The following SLC25A10 variants were observed in gnomAD, a reference collection of about 807,000 sequenced individuals.
SLC25A10 encodes the protein solute carrier family 25 member 10, also known as mitochondrial dicarboxylate carrier.
A neutral mutation model predicts 40.4 loss-of-function variants in SLC25A10; 32 were observed. That is an observed-to-expected ratio of 0.79 (90% confidence interval 0.60 to 1.06). SLC25A10 has a LOEUF of 1.06. Ranked by LOEUF, SLC25A10 falls within the 50% of genes least tolerant of loss-of-function variation. The probability of loss-of-function intolerance (pLI) is 0.00; values close to 1 mark genes in which losing one functional copy is unlikely to be tolerated. For missense variants in SLC25A10, 394 were observed against 402.6 expected (o/e 0.98, Z 0.18); for synonymous variants, 181 against 171.1 (o/e 1.06, Z -0.45).
chr17:81,720,204 C>T lies in SLC25A10; in HGVS notation c.*127C>T, dbSNP rs2037565855. 7 of 1,476,154 alleles carry T rather than the reference C, an allele frequency of 4.7e-6. No homozygotes were observed. The highest frequency in any genetic ancestry group is 6.2e-6 in the Non-Finnish European group (7 of 1,121,680). The allele number at this position is 1,476,154 out of a possible 1,614,324, so 91.4% of individuals were successfully genotyped here. The stretch of plus-strand genomic sequence containing the variant: ...TGGCCACCCGTCCTCCGCAGCAGGC[C>T]CCTGCTGTCCCCCCACCTGCTGGCT... On this transcript the variant is annotated 3_prime_UTR_variant, in exon 11 of 11. Transcript: ENST00000350690.
intron 5 of SLC25A10, 36 bp from the exon 6 acceptor site, chr17:81,716,776 G>A: frequency 6.3e-7 from 1 of 1,591,956 alleles, no homozygotes; most frequent in Non-Finnish European, 8.5e-7. Flanking sequence ...CGGTGGTCAG[G>A]GGGAGTCTCA....
At position 81,715,592 on chromosome 17, in the gene SLC25A10, G is replaced by A. The variant is rs1346701684; in HGVS notation, c.328G>A (p.Gly110Ser). ...GAAGGTGTTGCTGGGCTCCGTCAGC[G>A]GTGAGCTGCCGGGCGGGAGGGGGAG... The part of the protein sequence containing the change: ...HEKVLLGSVS[G>S]LAGGFVGTPA... The change falls in exon 3 of 11, where the codon GGT becomes AGT. Residue 110 changes from glycine to serine, a missense_variant and splice_region_variant. Physicochemically the swap from Gly to Ser is moderately conservative, Grantham distance 56. Coordinates refer to ENST00000350690, the MANE Select transcript of SLC25A10 (RefSeq NM_012140.5). 1.3e-5 allele frequency: 21 copies of A among 1,612,232 alleles called. No homozygotes were observed. The highest frequency in any genetic ancestry group is 4.5e-5 in the East Asian group (2 of 44,890).
At chr17:81,718,346 G>A (rs1361217545) in intron 9 of SLC25A10, among the ~76,000 whole-genome samples, 2 of 152,068 alleles carry the variant, frequency 1.3e-5, no homozygotes, top group Non-Finnish European at 2.9e-5. Flanking sequence ...TTGGCTGGGT[G>A]TGGTGGCGTG....
chr17:81,714,956 C>G lies in SLC25A10; in HGVS notation c.97C>G (p.His33Asp), dbSNP rs1353207175. ...CTHPLDLLKVHLQTQQEVKLR... is the reference protein window; with the variant it reads ...CTHPLDLLKVDLQTQQEVKLR... ...CTGAGAGCACTCACTCCCGCAGGTG[C>G]ATCTGCAGACGCAGCAGGAGGTGAA... Residue 33 changes from histidine (H) to aspartate (D), a missense_variant, in exon 2 of 11, where the codon CAT becomes GAT. Transcript: ENST00000350690. The G allele has an allele frequency of 1.2e-6, 2 of 1,607,934 alleles. No homozygotes were observed. The highest frequency in any genetic ancestry group is 1.7e-6 in the Non-Finnish European group (2 of 1,179,876).
Position 81,719,847 on chromosome 17 carries a change from C to T in SLC25A10, c.722C>T (p.Ala241Val), listed in dbSNP as rs1421466304. The change falls in exon 10 of 11, where the codon GCC becomes GTC. Residue 241 changes from alanine (A) to valine (V), a missense_variant. Ala to Val is a moderately conservative substitution (Grantham distance 64, BLOSUM62 0). Coordinates refer to ENST00000350690, the MANE Select transcript of SLC25A10 (RefSeq NM_012140.5). ...KGEYQGVFHC[A>V]VETAKLGPLA... ...TTTCTGCAGGGCGTTTTCCACTGCG[C>T]CGTGGAGACAGCGAAGCTCGGGCCT... 6.2e-7 allele frequency: 1 copy of T among 1,613,588 alleles called. No individual in the cohort carries two copies. The highest frequency in any genetic ancestry group is 8.5e-7 in the Non-Finnish European group (1 of 1,179,996).
In SLC25A10 at chr17:81,717,486, A is replaced by T; in HGVS notation, c.622A>T (p.Ile208Phe). 6.2e-7 allele frequency: 1 copy of T among 1,613,496 alleles called. No homozygotes were observed. Among genetic ancestry groups the T allele is most frequent in the Non-Finnish European group, 8.5e-7 (1 of 1,179,832 alleles). Residue 208 changes from isoleucine to phenylalanine, a missense_variant, in exon 8 of 11, where the codon ATT (isoleucine) becomes TTT (phenylalanine). Physicochemically the swap from Ile to Phe is conservative, Grantham distance 21. Transcript: ENST00000350690. ...NIFTHFVASF[I>F]AGGCATFLCQ... ...CTTCACTCACTTTGTCGCCAGCTTT[A>T]TTGCAGTAAGTGGCCGGCATGGCTA...
rs992255577 is a variant in SLC25A10, at chr17:81,712,353, C to T, written c.-74C>T. 595 of 996,548 alleles carry T rather than the reference C, an allele frequency of 6.0e-4. No homozygotes were observed. Among genetic ancestry groups the T allele is most frequent in the Non-Finnish European group, 7.1e-4 (558 of 784,236 alleles). 61.7% of individuals were successfully genotyped at this position (996,548 alleles called of 1,614,324 possible). A position where few individuals can be genotyped will look rare whatever the true frequency, so the allele number is the denominator to read the frequency against. ...CGGGCGCGGGGCGCGGGGCGCGGGGCGCTGCGGCCGGTACACGCCGGGGTA... is the reference window on the plus strand; with the variant it reads ...CGGGCGCGGGGCGCGGGGCGCGGGGTGCTGCGGCCGGTACACGCCGGGGTA... On this transcript the variant is annotated 5_prime_UTR_variant, in exon 1 of 11. Coordinates refer to ENST00000350690, the MANE Select transcript of SLC25A10 (RefSeq NM_012140.5).
intron 9 of SLC25A10, among the ~76,000 whole-genome samples, chr17:81,718,805 T>C (rs1233267169): frequency 6.8e-6 from 1 of 146,038 alleles, no homozygotes; most frequent in Non-Finnish European, 1.5e-5. Flanking sequence ...AAAAATTAGC[T>C]GGGCCTGGTG....
At position 81,717,717 on chromosome 17, in the gene SLC25A10, G is replaced by A. The variant is rs576014325; in HGVS notation, c.628-67G>A. The stretch of plus-strand genomic sequence containing the variant: ...AGGAGTCAGGTGGAGGTTCTGGCAC[G>A]TGGGTGGGATTCGGCGATGGTGCCT... On this transcript the variant is annotated intron_variant, in intron 8 of 10. Transcript: ENST00000350690. 46 of 1,552,314 alleles carry A rather than the reference G, an allele frequency of 3.0e-5. No homozygotes were observed. The African/African-American group carries it at 3.0e-4, about 10-fold the overall frequency.
chr17:81,712,870 C>T (rs1248377530), intron 1 of SLC25A10, among the ~76,000 whole-genome samples: 1 of 152,274 alleles, frequency 6.6e-6, no homozygotes, highest in East Asian at 1.9e-4. Flanking sequence ...AAGAACGCTC[C>T]TTCCGCCTAG....
At chr17:81,715,390 G>A (rs2037463784) in intron 2 of SLC25A10, 88 bp from the exon 3 acceptor site, 2 of 1,202,388 alleles carry the variant, frequency 1.7e-6, no homozygotes, top group Non-Finnish European at 2.4e-6. Flanking sequence ...GGCCCCTCGG[G>A]CTGAGGGGGA....
Position 81,717,088 on chromosome 17 carries a change from G to A in SLC25A10, c.534+16G>A. On this transcript the variant is annotated intron_variant, in intron 7 of 10. Coordinates refer to ENST00000350690, the MANE Select transcript of SLC25A10 (RefSeq NM_012140.5). ...TGTGGGCCAGGTAGGCCTCCTGCGT[G>A]GGGTGGGTGTGGGCAGTGCCTGTGA... is the stretch of plus-strand genomic sequence containing the variant. 6.2e-7 allele frequency: 1 copy of A among 1,612,834 alleles called. No individual in the cohort carries two copies.
At chr17:81,717,995 A>G (rs2037520809) in intron 9 of SLC25A10, 134 bp downstream of exon 9, 2 of 683,912 alleles carry the variant, frequency 2.9e-6, no homozygotes, top group Non-Finnish European at 5.2e-6. Context: ...TCTGCACAGC[A>G]CTTGCCTTGG....
intron 1 of SLC25A10, among the ~76,000 whole-genome samples, chr17:81,714,472 T>G (rs2037440570): frequency 6.6e-6 from 1 of 152,204 alleles, no homozygotes; most frequent in South Asian, 2.1e-4. Context: ...CTGCTGCCTT[T>G]CAAGGCCTTC....
rs1471304433 is a variant in SLC25A10, at chr17:81,720,256, C to T, written c.*179C>T. ...AGCTCCTCCTGGCCTCGTCCCCTCT[C>T]AGCTGTAGCTGCACCACCCCCGCTC... On this transcript the variant is annotated 3_prime_UTR_variant, in exon 11 of 11. Coordinates refer to ENST00000350690, the MANE Select transcript of SLC25A10 (RefSeq NM_012140.5). The T allele has an allele frequency of 6.9e-7, 1 of 1,445,286 alleles. No individual in the cohort carries two copies. Among genetic ancestry groups the T allele is most frequent in the Non-Finnish European group, 9.0e-7 (1 of 1,106,074 alleles). 89.5% of individuals were successfully genotyped at this position (1,445,286 alleles called of 1,614,324 possible).
Position 81,712,456 on chromosome 17 carries a change from G to A in SLC25A10, c.30G>A (p.Trp10Ter). The A allele has an allele frequency of 7.6e-7, 1 of 1,310,956 alleles. No homozygotes were observed. The highest frequency in any genetic ancestry group is 9.7e-7 in the Non-Finnish European group (1 of 1,031,638). 81.2% of individuals were successfully genotyped at this position (1,310,956 alleles called of 1,614,324 possible). MAAEARVSR[W>*]YFGGLASCGA... is the part of the protein sequence containing the mutation. Reference sequence around the variant, plus strand: ...CAGCCGAGGCGCGCGTGTCGCGCTGGTACTTCGGGGGGCTGGCCTCCTGCG... The same window carrying A: ...CAGCCGAGGCGCGCGTGTCGCGCTGATACTTCGGGGGGCTGGCCTCCTGCG... Residue 10 changes from tryptophan (W) to a stop codon, truncating the protein, a stop_gained, in exon 1 of 11, where the codon TGG becomes TGA. Transcript: ENST00000350690. LOFTEE classifies it high-confidence loss of function.
At chr17:81,716,770 G>A in intron 5 of SLC25A10, 42 bp from the exon 6 acceptor site, 1 of 1,585,416 alleles carries the variant, frequency 6.3e-7, no homozygotes, top group Non-Finnish European at 8.6e-7. Context: ...GGGAGCCGGT[G>A]GTCAGGGGGA....
In SLC25A10 at chr17:81,716,974, C is replaced by CCCCTGGCCTCAT. The variant is rs774614108; in HGVS notation, c.464-24_464-23insGGCCTCATCCCT. On this transcript the variant is annotated intron_variant, in intron 6 of 10. Coordinates refer to ENST00000350690, the MANE Select transcript of SLC25A10 (RefSeq NM_012140.5). The stretch of plus-strand genomic sequence containing the variant: ...GTGCCTGGCCTCACCCCTTGCCTCA[C>CCCCTGGCCTCAT]CCCTTGCCTCACCCCTTCCTTGTGC... 1.9e-6 allele frequency: 3 copies of CCCCTGGCCTCAT among 1,612,716 alleles called. No homozygotes were observed. The African/African-American group carries it at 4.0e-5, about 22-fold the overall frequency.
intron 6 of SLC25A10, 34 bp downstream of exon 6, chr17:81,716,889 TG>T (rs1205369243): frequency 5.1e-6 from 8 of 1,579,106 alleles, no homozygotes; most frequent in South Asian, 3.3e-5. Flanking sequence ...GGCAGGGTTC[TG>T]GGGGGCAGGC....
Sources: gnomAD v4.1 joint callset for allele counts (sites outside exome capture counted in the v4.1 genomes callset) on GRCh38, gnomAD v4.1.1 for gene constraint, MANE v1.5 for transcripts, NCBI Gene and HGNC (gene_info 2026-07-23, HGNC 2026-07-21) for gene names.